Variants in NAV3 observed in about 807,000 individuals in gnomAD.
NAV3 encodes pore membrane and/or filament interacting like protein 1.
NAV3 carries 87 observed loss-of-function variants against 244.7 expected under a neutral mutation model. That is an observed-to-expected ratio of 0.36 (90% CI 0.30 to 0.42). NAV3 has a LOEUF of 0.42. NAV3 is among the 20% of genes least tolerant of loss of function. The pLI, the probability that NAV3 is intolerant of heterozygous loss-of-function variation, is 1.00. For missense variants in NAV3, 2,663 were observed against 2,893.3 expected, an observed-to-expected ratio of 0.92 and a Z score of 1.83; for synonymous variants, 1,126 against 1,042.2, an observed-to-expected ratio of 1.08 and a Z score of -1.55.
intron 3 of NAV3, among the ~76,000 whole-genome samples, chr12:77,955,884 A>G (rs370745491): frequency 1.1e-4 from 17 of 152,198 alleles, no homozygotes; most frequent in African/African-American, 3.9e-4. Context: ...AAAAGAAAAG[A>G]AAAGAAAGAA....
chr12:78,010,901 T>C (rs1392458224), intron 8 of NAV3: 1 of 152,050 alleles, frequency 6.6e-6, no homozygotes, highest in African/African-American at 2.4e-5. Flanking sequence ...TGTCACACAC[T>C]GGGTGTTCAG....
intron 2 of NAV3, among the ~76,000 whole-genome samples, chr12:77,638,946 T>C (rs1373572652): frequency 1.3e-5 from 2 of 152,174 alleles, no homozygotes; most frequent in Non-Finnish European, 2.9e-5. Context: ...GGTATGTTTT[T>C]TACCTCCACT....
chr12:77,955,101 G>A (rs2137723154), intron 3 of NAV3, among the ~76,000 whole-genome samples: 1 of 152,214 alleles, frequency 6.6e-6, no homozygotes, highest in Middle Eastern at 3.4e-3. Context: ...CCTTCTGCCT[G>A]ATGCCTTCTA....
chr12:77,660,369 T>A (rs1479011404), intron 2 of NAV3, among the ~76,000 whole-genome samples: 1 of 152,194 alleles, frequency 6.6e-6, no homozygotes, highest in Non-Finnish European at 1.5e-5. Flanking sequence ...TGTAGTATCA[T>A]AAACTAAATT....
chr12:78,022,092 G>A (rs17221920), intron 9 of NAV3, among the ~76,000 whole-genome samples: 2,892 of 152,194 alleles, frequency 0.019, 36 homozygotes, highest in Middle Eastern at 0.031. Context: ...AAGTCATTTT[G>A]CCCTCAGTCA....
intron 2 of NAV3, among the ~76,000 whole-genome samples, chr12:77,691,333 G>GTACATATATATATATATATATATA (rs1214933751): frequency 1.3e-4 from 13 of 100,934 alleles, no homozygotes; most frequent in African/African-American, 3.1e-4. Flanking sequence ...ATTTGTGTAT[G>GTACATATATATATATATATATATA]TGTGTATATA....
intron 2 of NAV3, among the ~76,000 whole-genome samples, chr12:77,589,208 C>G (rs1026889881): frequency 6.6e-6 from 1 of 152,162 alleles, no homozygotes; most frequent in Non-Finnish European, 1.5e-5. Flanking sequence ...GACAATAGTT[C>G]AGATCCTGGC....
intron 2 of NAV3, among the ~76,000 whole-genome samples, chr12:77,700,974 C>G (rs1044858270): frequency 2.0e-5 from 3 of 151,296 alleles, no homozygotes; most frequent in Non-Finnish European, 4.4e-5. Flanking sequence ...TTTCATTAAA[C>G]AATTTTATAT....
intron 39 of NAV3, among the ~76,000 whole-genome samples, chr12:78,209,173 CTGTAACTGTAG>C (rs992400538): frequency 5.9e-5 from 9 of 152,070 alleles, no homozygotes; most frequent in Non-Finnish European, 1.0e-4. Context: ...TCAAATTATG[CTGTAACTGTAG>C]TCTCTTTGTC....
At position 77,847,184 on chromosome 12, in the gene NAV3, G is replaced by A. The variant is rs140901851; in HGVS notation, c.243+15480G>A. Among the ~76,000 whole-genome samples the A allele has an allele frequency of 7.8e-3, 1,186 of 152,296 alleles. 16 individuals are homozygous for A. The highest frequency in any genetic ancestry group is 0.027 in the African/African-American group (1,116 of 41,568). On this transcript the variant is annotated intron_variant, in intron 1 of 39. Coordinates refer to ENST00000397909, the MANE Select transcript of NAV3 (RefSeq NM_001024383.2). ...TTTAACAATAGGCCATTGACAGAAT[G>A]TGTGGGGAGTACAAAGAGGAAGAGA...
chr12:77,578,647 T>C (rs566301897), intron 2 of NAV3, among the ~76,000 whole-genome samples: 1 of 152,228 alleles, frequency 6.6e-6, no homozygotes, highest in Non-Finnish European at 1.5e-5. Context: ...CTTTCATCCT[T>C]ATTATTCATT....
At chr12:77,887,932 G>C (rs762275728) in intron 1 of NAV3, among the ~76,000 whole-genome samples, 1 of 151,418 alleles carries the variant, frequency 6.6e-6, no homozygotes, top group African/African-American at 2.4e-5. Context: ...TCAGTTTTTA[G>C]ATATCTAAGA....
chr12:77,801,091 G>A (rs1871681471), intron 2 of NAV3, among the ~76,000 whole-genome samples: 1 of 151,948 alleles, frequency 6.6e-6, no homozygotes, highest in Admixed American at 6.6e-5. Flanking sequence ...TAGACCTCAG[G>A]TACAATACTT....
At chr12:77,806,061 A>G (rs865842447) in intron 2 of NAV3, among the ~76,000 whole-genome samples, 3 of 150,836 alleles carry the variant, frequency 2.0e-5, no homozygotes, top group African/African-American at 7.3e-5. Flanking sequence ...CTCTCTTTTC[A>G]TCTTTATTAG....
intron 12 of NAV3, among the ~76,000 whole-genome samples, chr12:78,087,651 T>G (rs939903232): frequency 2.0e-5 from 3 of 152,048 alleles, no homozygotes; most frequent in Non-Finnish European, 4.4e-5. Flanking sequence ...TTCTTGTCTT[T>G]CTCTAGAAAT....
chr12:77,996,693 T>C (rs1205680899), intron 6 of NAV3, among the ~76,000 whole-genome samples: 3 of 152,150 alleles, frequency 2.0e-5, no homozygotes, highest in Non-Finnish European at 4.4e-5. Context: ...TAAAGGTGAA[T>C]TAAATGTTGA....
intron 1 of NAV3, among the ~76,000 whole-genome samples, chr12:77,906,064 G>C (rs772107901): frequency 6.6e-6 from 1 of 152,100 alleles, no homozygotes; most frequent in Non-Finnish European, 1.5e-5. Flanking sequence ...AAATTGTGGA[G>C]CATGCAGGAA....
At chr12:78,124,125 T>C (rs1955802640) in intron 16 of NAV3, among the ~76,000 whole-genome samples, 1 of 152,226 alleles carries the variant, frequency 6.6e-6, no homozygotes, top group Admixed American at 6.5e-5. Flanking sequence ...ATTATTAAGA[T>C]AATCTGCAAC....
At chr12:77,838,343 T>C (rs1204552420) in intron 1 of NAV3, among the ~76,000 whole-genome samples, 2 of 152,210 alleles carry the variant, frequency 1.3e-5, no homozygotes, top group Non-Finnish European at 2.9e-5. Flanking sequence ...TTGGTAGAAA[T>C]GTGGCCATCA....
Sources: gnomAD v4.1 joint callset for allele counts (sites outside exome capture counted in the v4.1 genomes callset) on GRCh38, gnomAD v4.1.1 for gene constraint, MANE v1.5 for transcripts, NCBI Gene and HGNC (gene_info 2026-07-23, HGNC 2026-07-21) for gene names.